The following SPC24 variants were observed in gnomAD, a reference collection of about 807,000 sequenced individuals.
SPC24 encodes the protein kinetochore protein Spc24.
Under a neutral mutation model 27.6 loss-of-function variants are expected in SPC24, and 31 were observed. The ratio of observed to expected loss-of-function variants is 1.12; its 90% CI spans 0.84 to 1.52. The LOEUF (loss-of-function observed/expected upper bound fraction) is 1.52. Among genes scored for constraint, SPC24 ranks in the 40% most tolerant of loss-of-function variants. The pLI is 0.00. For missense variants in SPC24, 284 were observed against 252.5 expected (o/e 1.12, Z -0.84); for synonymous variants, 105 against 105.8 (o/e 0.99, Z 0.05).
intron 1 of SPC24, among the ~76,000 whole-genome samples, chr19:11,151,564 T>C (rs953626240): frequency 5.3e-5 from 8 of 151,936 alleles, no homozygotes; most frequent in South Asian, 2.1e-4. Context: ...GGCTGTTCAT[T>C]ATAAGGTGCT....
At chr19:11,149,756 G>A (rs950261334) in intron 1 of SPC24, among the ~76,000 whole-genome samples, 2 of 150,882 alleles carry the variant, frequency 1.3e-5, no homozygotes, top group Non-Finnish European at 3.0e-5. Flanking sequence ...TATTGCCCAG[G>A]CTAGAGTGCA....
At chr19:11,152,851 C>T (rs2077882501) in intron 1 of SPC24, among the ~76,000 whole-genome samples, 1 of 152,020 alleles carries the variant, frequency 6.6e-6, no homozygotes, top group Non-Finnish European at 1.5e-5. Context: ...CCTGGGCACT[C>T]TCCAGGCCTG....
chr19:11,148,138 C>G, intron 2 of SPC24, 21 bp from the exon 3 acceptor site: 1 of 1,583,174 alleles, frequency 6.3e-7, no homozygotes. Flanking sequence ...TCGTTAAGGA[C>G]CCCGGCTTTC....
chr19:11,146,464 G>GGAAAAAAAAAAAA lies in SPC24; in HGVS notation c.*718_*719insTTTTTTTTTTTTC, dbSNP rs1255657612. 1 of 10,544 alleles carries GGAAAAAAAAAAAA rather than the reference G, an allele frequency of 9.5e-5. No individual in the cohort carries two copies. The highest frequency in any genetic ancestry group is 3.7e-4 in the Non-Finnish European group (1 of 2,714). The allele number at this position is 10,544 out of a possible 1,614,324, so 0.7% of individuals were successfully genotyped here. On this transcript the variant is annotated 3_prime_UTR_variant, in exon 5 of 5. Coordinates refer to ENST00000592540, the MANE Select transcript of SPC24 (RefSeq NM_182513.4). ...GAAAATCAGGAGAAAAAGAAATCCA[G>GGAAAAAAAAAAAA]TAAAAAAAAAAAAAAAAAAGGCCAG...
chr19:11,150,413 G>C (rs2077862012), intron 1 of SPC24, among the ~76,000 whole-genome samples: 1 of 151,874 alleles, frequency 6.6e-6, no homozygotes, highest in African/African-American at 2.4e-5. Context: ...TTGAACCTGG[G>C]AGGCGGAGGT....
At chr19:11,149,994 G>T (rs991534972) in intron 1 of SPC24, among the ~76,000 whole-genome samples, 2 of 151,612 alleles carry the variant, frequency 1.3e-5, no homozygotes, top group African/African-American at 4.8e-5. Context: ...ACAGGCGTGA[G>T]CCACTGCGCA....
In SPC24 at chr19:11,155,720, G is replaced by A. The variant is rs774343807; in HGVS notation, c.57C>T (p.Gly19=). The part of the protein sequence containing the change: ...EVSQGLLSLL[G]ANRAEAQQRR... ...GCTGCTGCGCCTCCGCGCGGTTGGC[G>A]CCCAGCAGGCTGAGCAGCCCCTGGC... The change falls in exon 1 of 5, where the codon GGC becomes GGT. Residue 19 remains glycine, a synonymous_variant. Coordinates refer to ENST00000592540, the MANE Select transcript of SPC24 (RefSeq NM_182513.4). 2 of 1,577,632 alleles carry A rather than the reference G, an allele frequency of 1.3e-6. No individual in the cohort carries two copies. The highest frequency in any genetic ancestry group is 3.5e-5 in the Admixed American group (2 of 57,230).
chr19:11,149,053 G>C, intron 2 of SPC24, 41 bp downstream of exon 2: 1 of 1,443,908 alleles, frequency 6.9e-7, no homozygotes, highest in South Asian at 1.5e-5. Context: ...GGCCCTATGC[G>C]TGTTTTCTAG....
intron 2 of SPC24, 50 bp from the exon 3 acceptor site, chr19:11,148,167 C>A (rs746029508): frequency 7.8e-7 from 1 of 1,288,468 alleles, no homozygotes; most frequent in Non-Finnish European, 1.1e-6. Context: ...GCTGCCCCTG[C>A]GCTAACTGCA....
chr19:11,151,270 G>A (rs371761131), intron 1 of SPC24, among the ~76,000 whole-genome samples: 1 of 151,188 alleles, frequency 6.6e-6, no homozygotes, highest in Admixed American at 6.6e-5. Context: ...CTGCAAACAT[G>A]AACACACACG....
In SPC24 at chr19:11,155,715, T is replaced by G. The variant is rs770781199; in HGVS notation, c.62A>C (p.Asn21Thr). The change falls in exon 1 of 5, where the codon AAC becomes ACC. Residue 21 changes from asparagine to threonine, a missense_variant. Asn to Thr is a moderately conservative substitution (Grantham distance 65). Transcript: ENST00000592540. ...CCGTCGCTGCTGCGCCTCCGCGCGG[T>G]TGGCGCCCAGCAGGCTGAGCAGCCC... ...SQGLLSLLGA[N>T]RAEAQQRRLL... is the part of the protein sequence containing the mutation. 1.3e-6 allele frequency: 2 copies of G among 1,576,228 alleles called. No individual in the cohort carries two copies. Among genetic ancestry groups the G allele is most frequent in the Non-Finnish European group, 1.7e-6 (2 of 1,169,206 alleles).
At chr19:11,153,834 G>A (rs1289989565) in intron 1 of SPC24, among the ~76,000 whole-genome samples, 2 of 151,624 alleles carry the variant, frequency 1.3e-5, no homozygotes, top group East Asian at 1.9e-4. Context: ...TTGGGAGTCC[G>A]AGACGTGTGG....
chr19:11,153,740 G>A (rs7252687), intron 1 of SPC24, among the ~76,000 whole-genome samples: 21,941 of 143,794 alleles, frequency 0.15, 2,684 homozygotes, highest in African/African-American at 0.35. Context: ...AGCCTGAGCA[G>A]CGGAGTAAGA....
chr19:11,153,406 G>A (rs916685776), intron 1 of SPC24, among the ~76,000 whole-genome samples: 7 of 151,290 alleles, frequency 4.6e-5, no homozygotes, highest in African/African-American at 1.2e-4. Context: ...CCAAGATCAC[G>A]CCACTGCACT....
At chr19:11,154,461 T>G (rs1408846599) in intron 1 of SPC24, among the ~76,000 whole-genome samples, 1 of 151,874 alleles carries the variant, frequency 6.6e-6, no homozygotes, top group Non-Finnish European at 1.5e-5. Context: ...ATCACTTAAG[T>G]CTGGGAGGCA....
chr19:11,149,998 C>T (rs2077858285), intron 1 of SPC24, among the ~76,000 whole-genome samples: 1 of 151,740 alleles, frequency 6.6e-6, no homozygotes, highest in Non-Finnish European at 1.5e-5. Context: ...GCGTGAGCCA[C>T]TGCGCACGGC....
At chr19:11,149,955 C>T (rs1322418055) in intron 1 of SPC24, among the ~76,000 whole-genome samples, 1 of 151,678 alleles carries the variant, frequency 6.6e-6, no homozygotes, top group African/African-American at 2.4e-5. Flanking sequence ...CGTGATCCAC[C>T]CGCCTCAGCT....
intron 1 of SPC24, among the ~76,000 whole-genome samples, chr19:11,152,462 G>A (rs370033951): frequency 5.3e-5 from 8 of 152,054 alleles, no homozygotes; most frequent in African/African-American, 1.7e-4. Flanking sequence ...CACCCACCTC[G>A]GCCTCCCAAA....
intron 1 of SPC24, among the ~76,000 whole-genome samples, chr19:11,151,185 TG>T (rs2077868546): frequency 8.0e-6 from 1 of 125,562 alleles, no homozygotes. Context: ...AAAAAAAAAA[TG>T]CTTCCCAAAG....
Sources: gnomAD v4.1 joint callset for allele counts (sites outside exome capture counted in the v4.1 genomes callset) on GRCh38, gnomAD v4.1.1 for gene constraint, MANE v1.5 for transcripts, NCBI Gene and HGNC (gene_info 2026-07-23, HGNC 2026-07-21) for gene names.